The following ADGRL3 variants were observed in gnomAD, a reference collection of about 807,000 sequenced individuals.
The protein encoded by ADGRL3 is adhesion G protein-coupled receptor L3.
In ADGRL3, 62 loss-of-function variants were observed where a neutral mutation model predicts 153.5. The ratio of observed to expected loss-of-function variants is 0.40; its 90% CI spans 0.33 to 0.50. ADGRL3 has a LOEUF of 0.50. Ranked by LOEUF, ADGRL3 falls within the 20% of genes least tolerant of loss-of-function variation. ADGRL3 has a pLI of 0.47. For synonymous variants in ADGRL3, 710 were observed against 672.5 expected, an observed-to-expected ratio of 1.06 and a Z score of -0.86; for missense variants, 1,641 against 1,859.4, an observed-to-expected ratio of 0.88 and a Z score of 2.16.
At position 62,077,452 on chromosome 4, in the gene ADGRL3, CT is replaced by C. The variant is rs1747518145; in HGVS notation, c.*6545del. On this transcript the variant is annotated 3_prime_UTR_variant, in exon 27 of 27. Coordinates refer to ENST00000683033, the MANE Select transcript of ADGRL3 (RefSeq NM_001387552.1). ...AGCTTTTTAAAATTTAAAAATTCCTCTGTTTCTTCTGAATGTAAAACAGGCA... is the reference window on the plus strand; with the variant it reads ...AGCTTTTTAAAATTTAAAAATTCCTCGTTTCTTCTGAATGTAAAACAGGCA... The C allele has an allele frequency of 6.6e-6, 1 of 151,982 alleles. No homozygotes were observed. The highest frequency in any genetic ancestry group is 2.4e-5 in the African/African-American group (1 of 41,448). 9.4% of individuals were successfully genotyped at this position (151,982 alleles called of 1,614,324 possible).
intron 14 of ADGRL3, among the ~76,000 whole-genome samples, chr4:61,935,302 T>G (rs2098833660): frequency 6.6e-6 from 1 of 152,138 alleles, no homozygotes; most frequent in South Asian, 2.1e-4. Context: ...TTAAAGGACT[T>G]TTATGTATGT....
In ADGRL3 at chr4:62,009,165, G is replaced by T. The variant is rs564344721; in HGVS notation, c.3395+10900G>T. ...ATGACTGTATATGCTTTCTAGAAAA[G>T]GCAACTGTCGAAAGGCTTTATTAAC... is the stretch of plus-strand genomic sequence containing the variant. On this transcript the variant is annotated intron_variant, in intron 21 of 26. Transcript: ENST00000683033. Among the ~76,000 whole-genome samples, 5 of 152,158 alleles carry T rather than the reference G, an allele frequency of 3.3e-5. No homozygotes were observed. The South Asian group carries it at 8.3e-4, about 25-fold the overall frequency.
intron 1 of ADGRL3, among the ~76,000 whole-genome samples, chr4:61,287,712 T>C (rs1414143936): frequency 6.6e-6 from 1 of 151,854 alleles, no homozygotes; most frequent in Non-Finnish European, 1.5e-5. Flanking sequence ...CTGGCTTGAT[T>C]TGGAGAGTGT....
At position 61,635,322 on chromosome 4, in the gene ADGRL3, G is replaced by A. The variant is rs142082276; in HGVS notation, c.474-41504G>A. On this transcript the variant is annotated intron_variant, in intron 5 of 26. Coordinates refer to ENST00000683033, the MANE Select transcript of ADGRL3 (RefSeq NM_001387552.1). ...GATACTCTCCATTGAGTGACCCAAT[G>A]CATATCTTCCATTCGGGGAGGGAGA... 3.4e-3 allele frequency among the ~76,000 whole-genome samples: 525 copies of A among 152,240 alleles called. 4 individuals are homozygous for A. The highest frequency in any genetic ancestry group is 0.012 in the African/African-American group (499 of 41,542).
intron 5 of ADGRL3, among the ~76,000 whole-genome samples, chr4:61,606,629 C>T (rs2099033489): frequency 6.6e-6 from 1 of 151,952 alleles, no homozygotes; most frequent in Non-Finnish European, 1.5e-5. Flanking sequence ...TTTTAAAGGC[C>T]CCGTCTTCAA....
chr4:61,641,682 A>G (rs2093681848), intron 5 of ADGRL3, among the ~76,000 whole-genome samples: 1 of 151,846 alleles, frequency 6.6e-6, no homozygotes, highest in Non-Finnish European at 1.5e-5. Flanking sequence ...AATCCAGTCT[A>G]TCACTGTTGG....
intron 1 of ADGRL3, among the ~76,000 whole-genome samples, chr4:61,353,600 ATT>A (rs34199193): frequency 3.4e-4 from 40 of 118,826 alleles, no homozygotes; most frequent in South Asian, 5.4e-4. Flanking sequence ...TTTTCTTTCA[ATT>A]TTTTTTTTTT....
intron 9 of ADGRL3, among the ~76,000 whole-genome samples, chr4:61,832,697 C>A (rs1676101020): frequency 6.6e-6 from 1 of 152,080 alleles, no homozygotes; most frequent in Admixed American, 6.5e-5. Context: ...TTGACTATAT[C>A]AAAAATCTAG....
At chr4:61,700,407 T>A (rs113759878) in intron 6 of ADGRL3, among the ~76,000 whole-genome samples, 4,134 of 152,256 alleles carry the variant, frequency 0.027, 193 homozygotes, top group African/African-American at 0.095. Context: ...GTATTACTTG[T>A]CAGTTTAAAA....
intron 1 of ADGRL3, among the ~76,000 whole-genome samples, chr4:61,236,009 T>TTTTC (rs1752677942): frequency 2.9e-3 from 2 of 698 alleles, no homozygotes; most frequent in Non-Finnish European, 6.3e-3. Flanking sequence ...TTTTCTTTTC[T>TTTTC]TTTTTTTTTT....
intron 2 of ADGRL3, among the ~76,000 whole-genome samples, chr4:61,477,434 T>C (rs2098078622): frequency 6.6e-6 from 1 of 152,132 alleles, no homozygotes; most frequent in Admixed American, 6.5e-5. Context: ...GACTATTTGA[T>C]CGGTAAAGAC....
intron 4 of ADGRL3, among the ~76,000 whole-genome samples, chr4:61,552,805 G>T (rs919988552): frequency 2.1e-4 from 32 of 152,198 alleles, no homozygotes; most frequent in African/African-American, 7.5e-4. Context: ...TACACTATTA[G>T]ACTTTGTATA....
intron 7 of ADGRL3, among the ~76,000 whole-genome samples, chr4:61,731,758 T>C (rs2096446813): frequency 1.3e-5 from 2 of 152,154 alleles, no homozygotes; most frequent in Admixed American, 1.3e-4. Context: ...GTGTAACATC[T>C]AGCTATGCCA....
At chr4:61,380,263 C>T (rs1286428345) in intron 1 of ADGRL3, among the ~76,000 whole-genome samples, 1 of 151,928 alleles carries the variant, frequency 6.6e-6, no homozygotes, top group South Asian at 2.1e-4. Flanking sequence ...TGCTCCACAA[C>T]TGGAATGCAG....
At chr4:61,238,101 T>C (rs565582182) in intron 1 of ADGRL3, among the ~76,000 whole-genome samples, 1 of 152,294 alleles carries the variant, frequency 6.6e-6, no homozygotes, top group African/African-American at 2.4e-5. Context: ...GATGTGATCT[T>C]TTAATTAGCA....
chr4:61,202,541 G>T lies in ADGRL3; in HGVS notation c.-240+776G>T, dbSNP rs900649212. On this transcript the variant is annotated intron_variant, in intron 1 of 26. Coordinates refer to ENST00000683033, the MANE Select transcript of ADGRL3 (RefSeq NM_001387552.1). The surrounding 1 kb of genome is among the most constrained non-coding windows in gnomAD (Gnocchi z 5.0). ...GCGGCGGTGTTGCACGAATCCGGGC[G>T]GCCGCGGCGCCGGGGCGGGGTGGGC... is the stretch of plus-strand genomic sequence containing the variant. Among the ~76,000 whole-genome samples the T allele has an allele frequency of 2.6e-5, 4 of 152,236 alleles. No homozygotes were observed. The highest frequency in any genetic ancestry group is 9.6e-5 in the African/African-American group (4 of 41,554).
chr4:61,202,540 C>T lies in ADGRL3; in HGVS notation c.-240+775C>T, dbSNP rs1313772948. 2.6e-5 allele frequency among the ~76,000 whole-genome samples: 4 copies of T among 151,956 alleles called. No homozygotes were observed. The East Asian group carries it at 7.8e-4, about 30-fold the overall frequency. On this transcript the variant is annotated intron_variant, in intron 1 of 26. Coordinates refer to ENST00000683033, the MANE Select transcript of ADGRL3 (RefSeq NM_001387552.1). This position sits in a 1 kb window ranked among gnomAD's most constrained non-coding sequence, Gnocchi z 5.0. ...GGCGGCGGTGTTGCACGAATCCGGG[C>T]GGCCGCGGCGCCGGGGCGGGGTGGG...
chr4:61,615,505 G>C (rs2091896459), intron 5 of ADGRL3, among the ~76,000 whole-genome samples: 1 of 151,992 alleles, frequency 6.6e-6, no homozygotes, highest in South Asian at 2.1e-4. Context: ...ATAGGGATTT[G>C]TTGGTTGGTT....
At chr4:61,840,319 A>G (rs1182052453) in intron 9 of ADGRL3, among the ~76,000 whole-genome samples, 1 of 152,186 alleles carries the variant, frequency 6.6e-6, no homozygotes, top group Non-Finnish European at 1.5e-5. Flanking sequence ...ACCTCAAGTG[A>G]TTCACCTGCC....
Sources: allele counts gnomAD v4.1 joint callset (sites outside exome capture counted in the v4.1 genomes callset), GRCh38; gene constraint gnomAD v4.1.1; non-coding constraint Gnocchi (gnomAD v3.1); transcripts MANE v1.5; gene names NCBI Gene and HGNC (gene_info 2026-07-23, HGNC 2026-07-21).